The following RPGRIP1L variants were observed in gnomAD, a reference collection of about 807,000 sequenced individuals.
RPGRIP1L encodes RPGRIP1 like.
A neutral mutation model predicts 160.4 loss-of-function variants in RPGRIP1L; 131 were observed. The ratio of observed to expected loss-of-function variants is 0.82; its 90% CI spans 0.71 to 0.94. The LOEUF (loss-of-function observed/expected upper bound fraction) is 0.94. Ranked by LOEUF, RPGRIP1L falls within the 40% of genes least tolerant of loss-of-function variation. The pLI, the probability that RPGRIP1L is intolerant of heterozygous loss-of-function variation, is 0.00. For missense variants in RPGRIP1L, 1,522 were observed against 1,535.8 expected, an observed-to-expected ratio of 0.99 and a Z score of 0.15; for synonymous variants, 510 against 515.8, an observed-to-expected ratio of 0.99 and a Z score of 0.15.
chr16:53,658,422 G>T lies in RPGRIP1L; in HGVS notation c.1393C>A (p.Leu465Ile). The part of the protein sequence containing the change: ...NADELSEALL[L>I]IKAQKEQKNG... ...GAAGTTCAGAACCTTACCTTTATAAGTAGGAGAGCTTCACTCAATTCATCA... is the reference window on the plus strand; with the variant it reads ...GAAGTTCAGAACCTTACCTTTATAATTAGGAGAGCTTCACTCAATTCATCA... Residue 465 changes from leucine to isoleucine, a missense_variant, in exon 12 of 27, where the codon CTT becomes ATT. Leu to Ile is a conservative substitution (Grantham distance 5). Transcript: ENST00000647211. 3 of 1,610,518 alleles carry T rather than the reference G, an allele frequency of 1.9e-6. No homozygotes were observed. The East Asian group carries it at 6.7e-5, about 36-fold the overall frequency.
rs375247875 is a variant in RPGRIP1L, at chr16:53,629,998, T to A, written c.3294+6441A>T. Among the ~76,000 whole-genome samples the A allele has an allele frequency of 9.9e-5, 15 of 152,270 alleles. No individual in the cohort carries two copies. The East Asian group carries it at 1.9e-3, about 20-fold the overall frequency. On this transcript the variant is annotated intron_variant, in intron 22 of 26. Transcript: ENST00000647211. ...TGCTTACATAAACCTAAATGTCATG[T>A]CTGTATGTGCAAATAAAAATATATA...
intron 9 of RPGRIP1L, among the ~76,000 whole-genome samples, chr16:53,667,648 A>G (rs1048781952): frequency 6.6e-6 from 1 of 152,080 alleles, no homozygotes; most frequent in Non-Finnish European, 1.5e-5. Context: ...CGAGGTGGGC[A>G]GATCACTTGA....
chr16:53,656,947 A>T (rs987855120), intron 13 of RPGRIP1L, among the ~76,000 whole-genome samples: 3 of 152,178 alleles, frequency 2.0e-5, no homozygotes, highest in African/African-American at 7.2e-5. Context: ...GGGACTTTAA[A>T]AACATTATTT....
rs886052093 is a variant in RPGRIP1L at position 53,622,289 on chromosome 16, G to A, written c.3362C>T (p.Pro1121Leu). ...TGAGGCAGGAAAATCGCTGGAACCCGGGAGGCGGAAGTTGCAGTGAGCTGA... is the reference window on the plus strand; with the variant it reads ...TGAGGCAGGAAAATCGCTGGAACCCAGGAGGCGGAAGTTGCAGTGAGCTGA... ...AISAHCNFRL[P>L]GSSDFPASAS... Residue 1121 changes from proline (P) to leucine (L), a missense_variant, in exon 23 of 27, where the codon CCG becomes CTG. Coordinates refer to ENST00000647211, the MANE Select transcript of RPGRIP1L (RefSeq NM_015272.5). 23 of 656,778 alleles carry A rather than the reference G, an allele frequency of 3.5e-5. No individual in the cohort carries two copies. Among genetic ancestry groups the A allele is most frequent in the Non-Finnish European group, 5.3e-5 (19 of 357,060 alleles). The allele number at this position is 656,778 out of a possible 1,614,324, so 40.7% of individuals were successfully genotyped here.
At chr16:53,635,628 G>C (rs1365411547) in intron 22 of RPGRIP1L, 1 of 151,922 alleles carries the variant, frequency 6.6e-6, no homozygotes, top group Non-Finnish European at 1.5e-5. Context: ...CCTGGTCTGT[G>C]GTTTTGTTTT....
rs565772491 is a variant in RPGRIP1L at position 53,699,750 on chromosome 16, G to A, written c.85+889C>T. On this transcript the variant is annotated intron_variant, in intron 2 of 26. Coordinates refer to ENST00000647211, the MANE Select transcript of RPGRIP1L (RefSeq NM_015272.5). ...GGAGAATCGCTTAAATCCGGGAGGC[G>A]GAGGTTGTAGTGAGCGGAGGTCGCG... Among the ~76,000 whole-genome samples the A allele has an allele frequency of 2.2e-3, 334 of 151,632 alleles. 2 individuals carry two copies. Among genetic ancestry groups the A allele is most frequent in the African/African-American group, 7.7e-3 (320 of 41,292 alleles).
chr16:53,660,710 A>G (rs1356898523), intron 10 of RPGRIP1L, among the ~76,000 whole-genome samples: 1 of 151,666 alleles, frequency 6.6e-6, no homozygotes, highest in African/African-American at 2.4e-5. Context: ...CCTGACCAAC[A>G]TGGTGAACCC....
chr16:53,624,554 A>AT (rs1191376105), intron 22 of RPGRIP1L, among the ~76,000 whole-genome samples: 1 of 151,924 alleles, frequency 6.6e-6, no homozygotes. Context: ...AAAAAAAAAA[A>AT]GGAAATTATG....
chr16:53,702,134 T>C (rs998535174), intron 1 of RPGRIP1L, among the ~76,000 whole-genome samples: 4 of 152,232 alleles, frequency 2.6e-5, no homozygotes, highest in Non-Finnish European at 5.9e-5. Context: ...TGCCAGGTAC[T>C]GTTCTAAGTG....
chr16:53,599,554 C>A lies in RPGRIP1L; in HGVS notation c.*2522G>T, dbSNP rs7202801. The A allele has an allele frequency of 0.38, 58,182 of 152,014 alleles. 12,950 individuals are homozygous for A. Among genetic ancestry groups the A allele is most frequent in the African/African-American group, 0.6 (25,061 of 41,452 alleles). 9.4% of individuals were successfully genotyped at this position (152,014 alleles called of 1,614,324 possible). On this transcript the variant is annotated 3_prime_UTR_variant, in exon 27 of 27. Transcript: ENST00000647211. ...AGCATTACAGCCCAAAAAAGTGCTG[C>A]GTGCACTGGTCTAGTTACACCAAGA...
At position 53,685,777 on chromosome 16, in the gene RPGRIP1L, T is replaced by C. The variant is rs994617605; in HGVS notation, c.776+656A>G. ...GTGGACGCTGGGTTTAATATCTGGG[T>C]GACGGGATTATCTGTGCAGCAAACC... is the stretch of plus-strand genomic sequence containing the variant. On this transcript the variant is annotated intron_variant, in intron 6 of 26. Coordinates refer to ENST00000647211, the MANE Select transcript of RPGRIP1L (RefSeq NM_015272.5). 5.9e-5 allele frequency among the ~76,000 whole-genome samples: 9 copies of C among 152,244 alleles called. No individual in the cohort carries two copies. The East Asian group carries it at 1.7e-3, about 29-fold the overall frequency.
chr16:53,660,742 A>G (rs1967715014), intron 10 of RPGRIP1L, among the ~76,000 whole-genome samples: 1 of 151,606 alleles, frequency 6.6e-6, no homozygotes, highest in African/African-American at 2.4e-5. Context: ...AAAATACAAA[A>G]ATTAGCTGGG....
At chr16:53,628,773 C>T (rs762155092) in intron 22 of RPGRIP1L, 21 of 152,194 alleles carry the variant, frequency 1.4e-4, no homozygotes, top group South Asian at 6.2e-4. Flanking sequence ...ATAAGGTAAA[C>T]GTTGCAAACT....
chr16:53,663,823 A>G (rs1199573628), intron 10 of RPGRIP1L, among the ~76,000 whole-genome samples: 1 of 152,182 alleles, frequency 6.6e-6, no homozygotes, highest in Non-Finnish European at 1.5e-5. Flanking sequence ...CAGACTTGCT[A>G]AAATGTGAAA....
At chr16:53,612,460 G>A (rs1383861493) in intron 24 of RPGRIP1L, among the ~76,000 whole-genome samples, 2 of 149,790 alleles carry the variant, frequency 1.3e-5, no homozygotes, top group Non-Finnish European at 3.0e-5. Context: ...AGTACACAAC[G>A]CTAAAGGGGA....
At position 53,665,009 on chromosome 16, in the gene RPGRIP1L, A is replaced by T; in HGVS notation, c.1104T>A (p.Ser368Arg). 6.2e-7 allele frequency: 1 copy of T among 1,613,586 alleles called. No homozygotes were observed. Among genetic ancestry groups the T allele is most frequent in the Non-Finnish European group, 8.5e-7 (1 of 1,179,858 alleles). The change falls in exon 10 of 27, where the codon AGT becomes AGA. Residue 368 changes from serine to arginine, a missense_variant and splice_region_variant. Transcript: ENST00000647211. ...LKENYDKLYD[S>R]AFSAAHEEQW... ...GCTCTTCATGGGCAGCACTGAAGGC[A>T]CTGCAAAACACACGTGACATGCAAG...
chr16:53,605,390 C>T (rs754822115), intron 26 of RPGRIP1L, 91 bp downstream of exon 26: 2 of 1,454,450 alleles, frequency 1.4e-6, no homozygotes, highest in African/African-American at 1.4e-5. Context: ...TGACTCAGCA[C>T]CCTTGGAGCC....
chr16:53,615,030 T>G (rs1396037245), intron 24 of RPGRIP1L, among the ~76,000 whole-genome samples: 1 of 152,212 alleles, frequency 6.6e-6, no homozygotes, highest in Non-Finnish European at 1.5e-5. Context: ...CAGATAATGT[T>G]TGTATTAAAG....
chr16:53,641,869 T>C (rs1478115312), intron 17 of RPGRIP1L, among the ~76,000 whole-genome samples: 1 of 152,210 alleles, frequency 6.6e-6, no homozygotes, highest in African/African-American at 2.4e-5. Context: ...TTGAAAGTTT[T>C]TGTAAGTCTT....
Sources: gnomAD v4.1 joint callset for allele counts (sites outside exome capture counted in the v4.1 genomes callset) on GRCh38, gnomAD v4.1.1 for gene constraint, MANE v1.5 for transcripts, NCBI Gene and HGNC (gene_info 2026-07-23, HGNC 2026-07-21) for gene names.